NRXN1: variants seen among roughly 807,000 people sequenced by gnomAD.
The protein encoded by NRXN1 is neurexin-1.
Under a neutral mutation model 150.9 loss-of-function variants are expected in NRXN1, and 39 were observed. The observed-to-expected ratio is 0.26, with a 90% CI of 0.20 to 0.34. The LOEUF (loss-of-function observed/expected upper bound fraction) is 0.34, where lower values mean the gene tolerates loss of function less well. Ranked by LOEUF, NRXN1 falls within the 10% of genes least tolerant of loss-of-function variation. The probability of loss-of-function intolerance (pLI) is 1.00; values close to 1 mark genes in which losing one functional copy is unlikely to be tolerated. For synonymous variants in NRXN1, 924 were observed against 757.0 expected (o/e 1.22, Z -3.62); for missense variants, 1,815 against 1,949.9 (o/e 0.93, Z 1.30).
intron 5 of NRXN1, among the ~76,000 whole-genome samples, chr2:50,776,098 G>C (rs3902125): frequency 1.3e-5 from 2 of 152,024 alleles, no homozygotes; most frequent in Non-Finnish European, 2.9e-5. Flanking sequence ...ACAGTACTGA[G>C]AACAACATAT....
intron 5 of NRXN1, among the ~76,000 whole-genome samples, chr2:50,895,518 C>A (rs1195165778): frequency 6.6e-6 from 1 of 151,336 alleles, no homozygotes; most frequent in Non-Finnish European, 1.5e-5. Flanking sequence ...GAGTGGGTCA[C>A]TATAAATTAA....
chr2:50,413,947 T>G (rs1446049479), intron 17 of NRXN1, among the ~76,000 whole-genome samples: 1 of 149,892 alleles, frequency 6.7e-6, no homozygotes, highest in African/African-American at 2.5e-5. Context: ...AAATATCACA[T>G]GTTCTCACTT....
chr2:50,558,022 G>T (rs1217450717), intron 8 of NRXN1, among the ~76,000 whole-genome samples: 1 of 152,098 alleles, frequency 6.6e-6, no homozygotes, highest in East Asian at 1.9e-4. Context: ...ACCCATGAAA[G>T]GGTTTCTGTG....
chr2:50,557,363 G>C (rs1349044436), intron 8 of NRXN1, among the ~76,000 whole-genome samples: 1 of 152,168 alleles, frequency 6.6e-6, no homozygotes, highest in Non-Finnish European at 1.5e-5. Context: ...AGCGACCAAA[G>C]TTAGTGTTGT....
chr2:50,870,723 C>CA (rs1439858215), intron 5 of NRXN1, among the ~76,000 whole-genome samples: 3 of 151,778 alleles, frequency 2.0e-5, no homozygotes, highest in Non-Finnish European at 4.4e-5. Flanking sequence ...CCTGGACTTC[C>CA]AAAAAGAAGC....
intron 19 of NRXN1, among the ~76,000 whole-genome samples, chr2:50,069,310 C>G (rs1305935569): frequency 2.0e-5 from 3 of 152,112 alleles, no homozygotes; most frequent in Non-Finnish European, 4.4e-5. Flanking sequence ...CCATTTTCTG[C>G]AAAATGAGAT....
rs1323306682 is a variant in NRXN1, at chr2:50,522,719, C to CCTTTTTTTTTTTTTTTTTTTTTTT, written c.2374+5905_2374+5906insAAAAAAAAAAAAAAAAAAAAAAAG. 1.3e-4 allele frequency among the ~76,000 whole-genome samples: 11 copies of CCTTTTTTTTTTTTTTTTTTTTTTT among 86,556 alleles called. 4 individuals are homozygous for CCTTTTTTTTTTTTTTTTTTTTTTT. Among genetic ancestry groups the CCTTTTTTTTTTTTTTTTTTTTTTT allele is most frequent in the African/African-American group, 3.6e-4 (6 of 16,774 alleles). The allele number at this position is 86,556 out of a possible 152,430, so 56.8% of individuals were successfully genotyped here. ...TTCCATTTATTCATTTATTTTTATTCATTTTTTTTTTTTTTTTTTTTTTTT... is the reference window on the plus strand; with the variant it reads ...TTCCATTTATTCATTTATTTTTATTCCTTTTTTTTTTTTTTTTTTTTTTTATTTTTTTTTTTTTTTTTTTTTTTT... On this transcript the variant is annotated intron_variant, in intron 12 of 22. Transcript: ENST00000401669.
chr2:50,875,110 T>C (rs1678377807), intron 5 of NRXN1, among the ~76,000 whole-genome samples: 1 of 151,822 alleles, frequency 6.6e-6, no homozygotes, highest in African/African-American at 2.4e-5. Context: ...TCTAGTAGTA[T>C]CAGACTCTCC....
intron 17 of NRXN1, among the ~76,000 whole-genome samples, chr2:50,314,544 G>T (rs922224406): frequency 6.6e-6 from 1 of 151,652 alleles, no homozygotes. Context: ...TATAATTATG[G>T]GTGCATTGAC....
intron 17 of NRXN1, among the ~76,000 whole-genome samples, chr2:50,280,135 G>C (rs952974106): frequency 2.6e-5 from 4 of 151,912 alleles, no homozygotes; most frequent in African/African-American, 9.7e-5. Context: ...AAAAGTAGCA[G>C]GGCGTGGTGG....
chr2:50,171,301 T>A (rs1157127109), intron 18 of NRXN1, among the ~76,000 whole-genome samples: 4 of 152,016 alleles, frequency 2.6e-5, no homozygotes, highest in Admixed American at 6.6e-5. Context: ...TATTTGCAAT[T>A]GAATGAAAAT....
rs750165040 is a variant in NRXN1 at position 50,346,870 on chromosome 2, GCGC to G, written c.3365-109903_3365-109901del. 978 of 1,354,980 alleles carry G rather than the reference GCGC, an allele frequency of 7.2e-4. No individual in the cohort carries two copies. The highest frequency in any genetic ancestry group is 3.6e-3 in the South Asian group (174 of 48,846). 83.9% of individuals were successfully genotyped at this position (1,354,980 alleles called of 1,614,324 possible). ...CCAAAGCAGGGCCAGGCGCCCCCCT[GCGC>G]CGCCGCCGCCGCCGCCGCCGCCGCC... is the stretch of plus-strand genomic sequence containing the variant. On this transcript the variant is annotated intron_variant, in intron 17 of 22. Coordinates refer to ENST00000401669, the MANE Select transcript of NRXN1 (RefSeq NM_001330078.2). This position sits in a 1 kb window ranked among gnomAD's most constrained non-coding sequence, Gnocchi z 5.0.
chr2:51,010,577 A>T (rs1667684857), intron 2 of NRXN1, among the ~76,000 whole-genome samples: 1 of 152,004 alleles, frequency 6.6e-6, no homozygotes, highest in South Asian at 2.1e-4. Context: ...CAGTGCTAAT[A>T]TATTTGTGAG....
intron 5 of NRXN1, among the ~76,000 whole-genome samples, chr2:50,686,968 T>G (rs531678321): frequency 6.6e-6 from 1 of 152,330 alleles, no homozygotes; most frequent in African/African-American, 2.4e-5. Context: ...GCAAAACTCT[T>G]TATACTTCCA....
At chr2:49,965,023 G>A (rs1573093660) in intron 21 of NRXN1, among the ~76,000 whole-genome samples, 1 of 151,792 alleles carries the variant, frequency 6.6e-6, no homozygotes, top group African/African-American at 2.4e-5. Context: ...ACAGGTGCAG[G>A]TGCACACCAC....
intron 15 of NRXN1, among the ~76,000 whole-genome samples, chr2:50,477,567 AC>A (rs2090092184): frequency 6.6e-6 from 1 of 152,228 alleles, no homozygotes; most frequent in Non-Finnish European, 1.5e-5. Context: ...GCTCTGCCTT[AC>A]AGTAGCAGAA....
chr2:50,581,847 TA>T (rs1672313395), intron 8 of NRXN1, among the ~76,000 whole-genome samples: 1 of 152,126 alleles, frequency 6.6e-6, no homozygotes, highest in Non-Finnish European at 1.5e-5. Flanking sequence ...TACAGTTACT[TA>T]GAGGCAGATC....
At chr2:50,529,720 T>G (rs985386520) in intron 11 of NRXN1, among the ~76,000 whole-genome samples, 2 of 152,222 alleles carry the variant, frequency 1.3e-5, no homozygotes, top group Non-Finnish European at 2.9e-5. Flanking sequence ...AAAATTCTCA[T>G]GAGTGTTTCC....
chr2:49,982,468 A>G (rs1047625624), intron 21 of NRXN1, among the ~76,000 whole-genome samples: 1 of 116,038 alleles, frequency 8.6e-6, no homozygotes, highest in Non-Finnish European at 2.1e-5. Context: ...CAAAAAAGTA[A>G]ATCTACTTAA....
Sources: allele counts gnomAD v4.1 joint callset (sites outside exome capture counted in the v4.1 genomes callset), GRCh38; gene constraint gnomAD v4.1.1; non-coding constraint Gnocchi (gnomAD v3.1); transcripts MANE v1.5; gene names NCBI Gene and HGNC (gene_info 2026-07-23, HGNC 2026-07-21).